Variants in DPP10 observed in about 807,000 individuals in gnomAD.
DPP10 encodes the protein inactive dipeptidyl peptidase 10.
In DPP10, 33 loss-of-function variants were observed where a neutral mutation model predicts 120.9. That is an observed-to-expected ratio of 0.27 (90% confidence interval 0.21 to 0.37). The LOEUF (loss-of-function observed/expected upper bound fraction) is 0.37. Ranked by LOEUF, DPP10 falls within the 10% of genes least tolerant of loss-of-function variation. The pLI, the probability that DPP10 is intolerant of heterozygous loss-of-function variation, is 1.00. For synonymous variants in DPP10, 337 were observed against 326.1 expected, an observed-to-expected ratio of 1.03 and a Z score of -0.36; for missense variants, 816 against 942.8, an observed-to-expected ratio of 0.87 and a Z score of 1.76.
intron 1 of DPP10, among the ~76,000 whole-genome samples, chr2:114,988,513 T>C (rs1700564576): frequency 1.3e-5 from 2 of 152,308 alleles, no homozygotes; most frequent in South Asian, 2.1e-4. Context: ...TGCTAATTGA[T>C]CCATCTTCTA....
intron 3 of DPP10, among the ~76,000 whole-genome samples, chr2:115,494,047 C>G (rs2076267385): frequency 6.6e-6 from 1 of 152,088 alleles, no homozygotes; most frequent in Admixed American, 6.6e-5. Flanking sequence ...CTCCCAGGTT[C>G]AAGCGATTCT....
At position 114,613,799 on chromosome 2, in the gene DPP10, T is replaced by C. The variant is rs530597374; in HGVS notation, c.60+170961T>C. 2.6e-5 allele frequency among the ~76,000 whole-genome samples: 4 copies of C among 152,252 alleles called. No individual in the cohort carries two copies. In the East Asian group the frequency reaches 7.7e-4, roughly 29 times the overall value. On this transcript the variant is annotated intron_variant, in intron 1 of 25. Coordinates refer to ENST00000410059, the MANE Select transcript of DPP10 (RefSeq NM_020868.6). ...AATACTATGCAGCCATAAAAAAGAA[T>C]GAGTTCACATCCTTTGCAGGGACAT...
intron 1 of DPP10, among the ~76,000 whole-genome samples, chr2:115,253,532 A>T (rs924453986): frequency 1.3e-5 from 2 of 152,160 alleles, no homozygotes; most frequent in Non-Finnish European, 2.9e-5. Context: ...TACTTCCAAG[A>T]TGAAAGGTGG....
intron 1 of DPP10, among the ~76,000 whole-genome samples, chr2:114,936,378 T>TATATACACATATATACAC (rs1233136220): frequency 5.9e-5 from 9 of 151,864 alleles, no homozygotes; most frequent in African/African-American, 1.9e-4. Flanking sequence ...TGTGTGTATA[T>TATATACACATATATACAC]ATATACACAT....
chr2:114,806,932 C>T (rs1290519045), intron 1 of DPP10, among the ~76,000 whole-genome samples: 1 of 152,182 alleles, frequency 6.6e-6, no homozygotes, highest in African/African-American at 2.4e-5. Context: ...ACCGTCTGCA[C>T]AGCTAGTACA....
intron 5 of DPP10, among the ~76,000 whole-genome samples, chr2:115,576,892 G>A (rs980504925): frequency 3.9e-5 from 6 of 152,148 alleles, no homozygotes; most frequent in Non-Finnish European, 5.9e-5. Flanking sequence ...ATGTAACAGA[G>A]ACCAGCCTGA....
chr2:114,912,261 G>A (rs907715786), intron 1 of DPP10, among the ~76,000 whole-genome samples: 4 of 152,082 alleles, frequency 2.6e-5, no homozygotes, highest in Non-Finnish European at 4.4e-5. Context: ...GGGGAGGAGT[G>A]AGGACAACTT....
intron 3 of DPP10, among the ~76,000 whole-genome samples, chr2:115,482,770 A>T (rs1327196989): frequency 6.6e-6 from 1 of 151,984 alleles, no homozygotes; most frequent in Non-Finnish European, 1.5e-5. Flanking sequence ...ACATTTTATC[A>T]ATTAATCAGT....
At chr2:114,534,615 T>C (rs1686329604) in intron 1 of DPP10, among the ~76,000 whole-genome samples, 1 of 152,246 alleles carries the variant, frequency 6.6e-6, no homozygotes, top group Admixed American at 6.5e-5. Flanking sequence ...GCATTATTTT[T>C]ACATAGTTAC....
At chr2:115,805,165 CA>C (rs1176727855) in intron 19 of DPP10, among the ~76,000 whole-genome samples, 1 of 152,124 alleles carries the variant, frequency 6.6e-6, no homozygotes, top group Non-Finnish European at 1.5e-5. Flanking sequence ...TGCCACCTTG[CA>C]GTTTGATCTC....
chr2:115,218,568 A>T (rs760882256), intron 1 of DPP10, among the ~76,000 whole-genome samples: 2 of 152,132 alleles, frequency 1.3e-5, no homozygotes, highest in Non-Finnish European at 2.9e-5. Flanking sequence ...TTGTACTTCA[A>T]CAAGATCCTG....
At position 115,007,086 on chromosome 2, in the gene DPP10, A is replaced by G. The variant is rs560458006; in HGVS notation, c.61-302153A>G. 9.6e-4 allele frequency among the ~76,000 whole-genome samples: 146 copies of G among 152,254 alleles called. 1 individual carries two copies. In the Middle Eastern group the frequency reaches 0.02, roughly 21 times the overall value. ...ATCTCACTCAAAACTTCTCAACTAC[A>G]TGGAAACTGAACAACCTACTCCTGA... On this transcript the variant is annotated intron_variant, in intron 1 of 25. Transcript: ENST00000410059.
chr2:114,570,945 T>TCATG (rs1358437519), intron 1 of DPP10, among the ~76,000 whole-genome samples: 1 of 151,940 alleles, frequency 6.6e-6, no homozygotes, highest in African/African-American at 2.4e-5. Flanking sequence ...TGAAAGGCTG[T>TCATG]CATGCACAGG....
At chr2:115,037,935 G>C (rs1446618426) in intron 1 of DPP10, among the ~76,000 whole-genome samples, 1 of 152,140 alleles carries the variant, frequency 6.6e-6, no homozygotes, top group East Asian at 1.9e-4. Context: ...TGCTGTGGGA[G>C]ACACACCTAA....
intron 1 of DPP10, among the ~76,000 whole-genome samples, chr2:114,446,448 C>T (rs895571941): frequency 3.3e-5 from 5 of 152,106 alleles, no homozygotes; most frequent in African/African-American, 9.7e-5. Flanking sequence ...ATGTATTATA[C>T]TTTATATGGT....
intron 1 of DPP10, among the ~76,000 whole-genome samples, chr2:115,206,759 A>G (rs957243480): frequency 8.5e-5 from 13 of 152,326 alleles, no homozygotes; most frequent in Admixed American, 3.3e-4. Flanking sequence ...CTGTAAGTGT[A>G]TAATTATTTA....
chr2:114,723,468 A>G (rs761663868), intron 1 of DPP10, among the ~76,000 whole-genome samples: 1 of 152,220 alleles, frequency 6.6e-6, no homozygotes, highest in African/African-American at 2.4e-5. Context: ...ACTTCTGTCG[A>G]CCAGTTCTTG....
At chr2:115,791,972 A>T (rs1684039752) in intron 19 of DPP10, among the ~76,000 whole-genome samples, 1 of 152,176 alleles carries the variant, frequency 6.6e-6, no homozygotes, top group Non-Finnish European at 1.5e-5. Context: ...TATTAATATG[A>T]TCAGGTAGCA....
chr2:115,478,536 G>T (rs764899739), intron 3 of DPP10, among the ~76,000 whole-genome samples: 1 of 152,088 alleles, frequency 6.6e-6, no homozygotes, highest in Non-Finnish European at 1.5e-5. Flanking sequence ...CACAGACAGC[G>T]CAAGAAAATA....
Sources: allele counts gnomAD v4.1 joint callset (sites outside exome capture counted in the v4.1 genomes callset), GRCh38; gene constraint gnomAD v4.1.1; transcripts MANE v1.5; gene names NCBI Gene and HGNC (gene_info 2026-07-23, HGNC 2026-07-21).